The following CRISP2 variants were observed in gnomAD, a reference collection of about 807,000 sequenced individuals.
The protein encoded by CRISP2 is cysteine-rich secretory protein 2.
A neutral mutation model predicts 31.7 loss-of-function variants in CRISP2; 29 were observed. That is an observed-to-expected ratio of 0.92 (90% CI 0.68 to 1.25). The LOEUF is 1.25. Among genes scored for constraint, CRISP2 ranks in the 50% most tolerant of loss-of-function variants. CRISP2 has a pLI of 0.00. For missense variants in CRISP2, 318 were observed against 286.5 expected (o/e 1.11, Z -0.79); for synonymous variants, 111 against 101.4 (o/e 1.09, Z -0.57).
At chr6:49,701,280 C>T (rs1765628722) in intron 4 of CRISP2, among the ~76,000 whole-genome samples, 1 of 151,786 alleles carries the variant, frequency 6.6e-6, no homozygotes, top group Non-Finnish European at 1.5e-5. Context: ...GCCACCCTCC[C>T]ACATTTTCTC....
chr6:49,702,849 G>C (rs11755294), intron 4 of CRISP2, among the ~76,000 whole-genome samples: 29,759 of 151,886 alleles, frequency 0.2, 3,741 homozygotes, highest in Middle Eastern at 0.28. Context: ...TTTGCTTTTG[G>C]GTTCTTGGTC....
intron 8 of CRISP2, 175 bp downstream of exon 8, chr6:49,697,685 A>T: frequency 6.6e-7 from 1 of 1,506,424 alleles, no homozygotes; most frequent in Non-Finnish European, 8.9e-7. Context: ...CCTGAAAGTG[A>T]GAAGTTGTTC....
chr6:49,703,069 T>C (rs1766374697), intron 4 of CRISP2, among the ~76,000 whole-genome samples: 1 of 152,126 alleles, frequency 6.6e-6, no homozygotes, highest in Non-Finnish European at 1.5e-5. Flanking sequence ...ATTTGTTGAA[T>C]AAGGTGTCCT....
chr6:49,681,838 T>C, the CRISP2 span, among the ~76,000 whole-genome samples: 2 of 152,158 alleles, frequency 1.3e-5, no homozygotes, highest in African/African-American at 4.8e-5. Flanking sequence ...TCAAGATTTT[T>C]TTTTGCCCTT....
chr6:49,676,845 C>G, the CRISP2 span, among the ~76,000 whole-genome samples: 3 of 152,200 alleles, frequency 2.0e-5, no homozygotes, highest in African/African-American at 7.2e-5. Flanking sequence ...CTGCATTCCT[C>G]CATGAGTCAG....
chr6:49,710,271 T>C (rs1767785250), intron 3 of CRISP2, among the ~76,000 whole-genome samples: 1 of 152,210 alleles, frequency 6.6e-6, no homozygotes, highest in African/African-American at 2.4e-5. Flanking sequence ...TGGAAAATGA[T>C]ATACAATTTC....
Position 49,692,869 on chromosome 6 carries a change from A to T in CRISP2, c.636T>A (p.Ser212Arg). 6.2e-7 allele frequency: 1 copy of T among 1,613,740 alleles called. No homozygotes were observed. Among genetic ancestry groups the T allele is most frequent in the South Asian group, 1.1e-5 (1 of 91,064 alleles). ...TNSCQYQDLL[S>R]NCDSLKNTAG... Reference sequence around the variant, plus strand: ...CTGTATTCTTCAAGGAATCACAGTTACTTAGGAGATCTTGATACTGGCAAC... The same window carrying T: ...CTGTATTCTTCAAGGAATCACAGTTTCTTAGGAGATCTTGATACTGGCAAC... Residue 212 changes from serine (S) to arginine (R), a missense_variant, in exon 10 of 10, where the codon AGT (serine) becomes AGA (arginine). Physicochemically the swap from Ser to Arg is moderately radical, Grantham distance 110. Coordinates refer to ENST00000339139, the MANE Select transcript of CRISP2 (RefSeq NM_003296.4).
chr6:49,698,897 G>A (rs1268164809), intron 6 of CRISP2, among the ~76,000 whole-genome samples: 1 of 151,858 alleles, frequency 6.6e-6, no homozygotes, highest in Non-Finnish European at 1.5e-5. Flanking sequence ...TCAAATATAG[G>A]ACCCCAAATA....
downstream of CRISP2, among the ~76,000 whole-genome samples, chr6:49,688,852 A>AT (rs1763964467): frequency 6.6e-6 from 1 of 151,818 alleles, no homozygotes; most frequent in Non-Finnish European, 1.5e-5. Flanking sequence ...CTAGATTATG[A>AT]TTTTCTCTTT....
chr6:49,687,920 C>T (rs767700498), downstream of CRISP2, among the ~76,000 whole-genome samples: 4 of 152,216 alleles, frequency 2.6e-5, no homozygotes, highest in South Asian at 2.1e-4. Flanking sequence ...GGATCTAAGC[C>T]GGATGGTTAA....
At chr6:49,703,486 T>A (rs982719398) in intron 4 of CRISP2, among the ~76,000 whole-genome samples, 1 of 152,216 alleles carries the variant, frequency 6.6e-6, no homozygotes, top group Non-Finnish European at 1.5e-5. Context: ...GTGTCATTTA[T>A]AATTTCTTTC....
At chr6:49,682,797 CCTT>C in the CRISP2 span, among the ~76,000 whole-genome samples, 1 of 148,502 alleles carries the variant, frequency 6.7e-6, no homozygotes, top group African/African-American at 2.5e-5. Flanking sequence ...TGCCCTCTCT[CCTT>C]CTCTTCCTCC....
chr6:49,710,980 C>T (rs528710940), intron 3 of CRISP2, among the ~76,000 whole-genome samples: 69 of 151,974 alleles, frequency 4.5e-4, no homozygotes, highest in African/African-American at 1.6e-3. Context: ...AACAAACAAA[C>T]AAAAACAAAA....
At chr6:49,695,092 G>A (rs777516711) in intron 9 of CRISP2, among the ~76,000 whole-genome samples, 9 of 152,122 alleles carry the variant, frequency 5.9e-5, no homozygotes, top group African/African-American at 1.2e-4. Flanking sequence ...AAAAATTTCA[G>A]TGATGGTGTC....
chr6:49,680,148 C>T, the CRISP2 span, among the ~76,000 whole-genome samples: 1 of 152,180 alleles, frequency 6.6e-6, no homozygotes, highest in Non-Finnish European at 1.5e-5. Context: ...CCTCTCCCTC[C>T]TGCATCCTCC....
At chr6:49,683,985 TATAA>T in the CRISP2 span, among the ~76,000 whole-genome samples, 20 of 152,164 alleles carry the variant, frequency 1.3e-4, 1 homozygote, top group East Asian at 3.9e-3. Context: ...TGCTTAAAAG[TATAA>T]GACTTTGAGT....
At chr6:49,698,592 T>G in intron 6 of CRISP2, 85 bp from the exon 7 acceptor site, 1 of 1,411,524 alleles carries the variant, frequency 7.1e-7, no homozygotes, top group Non-Finnish European at 9.6e-7. Flanking sequence ...ATGTTGCCTT[T>G]CAAACCCAGG....
intron 6 of CRISP2, among the ~76,000 whole-genome samples, chr6:49,699,365 T>A (rs1030632254): frequency 1.3e-5 from 2 of 152,034 alleles, no homozygotes; most frequent in East Asian, 3.8e-4. Flanking sequence ...TTCAATATAT[T>A]TTATGGATAC....
At chr6:49,686,395 A>T in the CRISP2 span, among the ~76,000 whole-genome samples, 1 of 152,202 alleles carries the variant, frequency 6.6e-6, no homozygotes, top group African/African-American at 2.4e-5. Flanking sequence ...GATCATTTCT[A>T]AAGGACTGGT....
Sources: gnomAD v4.1 joint callset for allele counts (sites outside exome capture counted in the v4.1 genomes callset) on GRCh38, gnomAD v4.1.1 for gene constraint, MANE v1.5 for transcripts, NCBI Gene and HGNC (gene_info 2026-07-23, HGNC 2026-07-21) for gene names.